Variants in SLC24A1 observed in about 807,000 individuals in gnomAD.
SLC24A1 encodes the protein sodium/potassium/calcium exchanger 1.
In SLC24A1, 52 loss-of-function variants were observed where a neutral mutation model predicts 88.1. The observed-to-expected ratio is 0.59, with a 90% confidence interval of 0.47 to 0.74. The LOEUF is 0.74. Among genes scored for constraint, SLC24A1 ranks in the 30% least tolerant of loss-of-function variants. The probability of loss-of-function intolerance (pLI) is 0.00; values close to 1 mark genes in which losing one functional copy is unlikely to be tolerated. For missense variants in SLC24A1, 1,173 were observed against 1,363.3 expected (o/e 0.86, Z 2.20); for synonymous variants, 455 against 498.0 (o/e 0.91, Z 1.15).
chr15:65,613,438 T>A (rs1465655670), intron 2 of SLC24A1, among the ~76,000 whole-genome samples: 1 of 152,028 alleles, frequency 6.6e-6, no homozygotes, highest in African/African-American at 2.4e-5. Flanking sequence ...ATTTCATGAC[T>A]TCGTGCTTGA....
In SLC24A1 at chr15:65,655,498, G is replaced by A; in HGVS notation, c.*1419G>A. On this transcript the variant is annotated 3_prime_UTR_variant, in exon 10 of 10. Coordinates refer to ENST00000261892, the MANE Select transcript of SLC24A1 (RefSeq NM_004727.3). ...TTAAATGTTTTATGTGGAATTTGATGAGTTTGTATATTAAATACCACTGCT... is the reference window on the plus strand; with the variant it reads ...TTAAATGTTTTATGTGGAATTTGATAAGTTTGTATATTAAATACCACTGCT... 1.0e-6 allele frequency: 1 copy of A among 985,298 alleles called. No individual in the cohort carries two copies. Among genetic ancestry groups the A allele is most frequent in the Non-Finnish European group, 1.2e-6 (1 of 829,820 alleles). 61.0% of individuals were successfully genotyped at this position (985,298 alleles called of 1,614,324 possible).
In SLC24A1 at chr15:65,650,811, G is replaced by C. The variant is rs1341141039; in HGVS notation, c.2662G>C (p.Glu888Gln). The change falls in exon 7 of 10, where the codon GAG becomes CAG. Residue 888 changes from glutamate (E) to glutamine (Q), a missense_variant. Coordinates refer to ENST00000261892, the MANE Select transcript of SLC24A1 (RefSeq NM_004727.3). The surrounding 1 kb of genome is among the most constrained non-coding windows in gnomAD (Gnocchi z 4.1). ...QEEEEEEEEE[E>Q]EEKGNEEPLS... ...GGAAGAGGAGGAGGAGGAGGAGGAAGAGGAGGAGAAGGGAAATGAAGAGCC... is the reference window on the plus strand; with the variant it reads ...GGAAGAGGAGGAGGAGGAGGAGGAACAGGAGGAGAAGGGAAATGAAGAGCC... 6.2e-7 allele frequency: 1 copy of C among 1,613,726 alleles called. No homozygotes were observed. The highest frequency in any genetic ancestry group is 8.5e-7 in the Non-Finnish European group (1 of 1,179,792).
At position 65,653,912 on chromosome 15, in the gene SLC24A1, A is replaced by G. The variant is rs1395703498; in HGVS notation, c.3133A>G (p.Ile1045Val). The G allele has an allele frequency of 1.2e-6, 2 of 1,613,780 alleles. No individual in the cohort carries two copies. The highest frequency in any genetic ancestry group is 8.5e-7 in the Non-Finnish European group (1 of 1,179,866). The change falls in exon 10 of 10, where the codon ATT becomes GTT. Residue 1045 changes from isoleucine to valine, a missense_variant. Transcript: ENST00000261892. ...PVSSNGLFCA[I>V]VLLFLMLLFV... ...CAGCAGCAATGGCTTGTTTTGTGCA[A>G]TTGTTTTGCTTTTTCTCATGCTTCT...
At chr15:65,623,132 T>A (rs1185290578) in intron 1 of SLC24A1, among the ~76,000 whole-genome samples, 1 of 152,024 alleles carries the variant, frequency 6.6e-6, no homozygotes, top group African/African-American at 2.4e-5. Flanking sequence ...TTAAAAATAT[T>A]ATAACATGCA....
intron 2 of SLC24A1, among the ~76,000 whole-genome samples, chr15:65,613,805 A>G (rs545473173): frequency 6.6e-6 from 1 of 152,240 alleles, no homozygotes; most frequent in South Asian, 2.1e-4. Flanking sequence ...TTTTTCATCT[A>G]CAGAGATAAG....
Position 65,638,162 on chromosome 15 carries a change from A to G in SLC24A1, c.1925A>G (p.Gln642Arg), listed in dbSNP as rs376244274. The G allele has an allele frequency of 2.0e-4, 327 of 1,609,526 alleles. No individual in the cohort carries two copies. Among genetic ancestry groups the G allele is most frequent in the Non-Finnish European group, 2.7e-4 (313 of 1,177,792 alleles). Residue 642 changes from glutamine (Q) to arginine (R), a missense_variant, in exon 3 of 10, where the codon CAG becomes CGG. Coordinates refer to ENST00000261892, the MANE Select transcript of SLC24A1 (RefSeq NM_004727.3). ...GGGGCCATTGCGGTGGATGAGCTAC[A>G]GGATAACAAGAAGCTGAAGGTGGGT... ...GDGAIAVDEL[Q>R]DNKKLKLPSL... is the part of the protein sequence containing the mutation.
chr15:65,622,973 C>T (rs965748461), intron 1 of SLC24A1, among the ~76,000 whole-genome samples: 2 of 152,100 alleles, frequency 1.3e-5, no homozygotes, highest in Non-Finnish European at 2.9e-5. Flanking sequence ...AACTCCTGAC[C>T]TCAAGTGATC....
intron 2 of SLC24A1, among the ~76,000 whole-genome samples, chr15:65,615,680 CA>C (rs886116931): frequency 2.0e-5 from 3 of 151,270 alleles, no homozygotes; most frequent in African/African-American, 7.3e-5. Flanking sequence ...GACCCTGTCT[CA>C]AAAAAAATAA....
Position 65,652,660 on chromosome 15 carries a change from A to T in SLC24A1, c.2902A>T (p.Ile968Phe). 1 of 1,613,924 alleles carries T rather than the reference A, an allele frequency of 6.2e-7. No homozygotes were observed. The highest frequency in any genetic ancestry group is 8.5e-7 in the Non-Finnish European group (1 of 1,179,858). ...TTACCAGGTTGGTGAAACAATAGGG[A>T]TTTCTGAAGAGATCATGGGCCTGAC... ...WAHQVGETIG[I>F]SEEIMGLTIL... The change falls in exon 9 of 10, where the codon ATT becomes TTT. Residue 968 changes from isoleucine to phenylalanine, a missense_variant. Transcript: ENST00000261892.
intron 9 of SLC24A1, among the ~76,000 whole-genome samples, chr15:65,653,325 G>A (rs1364528005): frequency 6.6e-6 from 1 of 152,146 alleles, no homozygotes; most frequent in Non-Finnish European, 1.5e-5. Flanking sequence ...CTGAATTTGG[G>A]TGGTAGATTT....
chr15:65,657,570 G>C (rs1033582337), downstream of SLC24A1, among the ~76,000 whole-genome samples: 3 of 152,226 alleles, frequency 2.0e-5, no homozygotes, highest in African/African-American at 7.2e-5. Flanking sequence ...GTGAACCCCG[G>C]GGGGCGGAGC....
chr15:65,630,737 G>A (rs553979438), intron 2 of SLC24A1, among the ~76,000 whole-genome samples: 1 of 152,304 alleles, frequency 6.6e-6, no homozygotes, highest in South Asian at 2.1e-4. Flanking sequence ...TTGGGAGGCC[G>A]AGGTGGGTGG....
rs2075635357 is a variant in SLC24A1 at position 65,655,065 on chromosome 15, G to T, written c.*986G>T. On this transcript the variant is annotated 3_prime_UTR_variant, in exon 10 of 10. Coordinates refer to ENST00000261892, the MANE Select transcript of SLC24A1 (RefSeq NM_004727.3). ...AAACTACTCTAGAGGCCATTTAAAA[G>T]TATGTATTTATTAGAACATGCAAAT... is the stretch of plus-strand genomic sequence containing the variant. The T allele has an allele frequency of 9.8e-7, 1 of 1,024,184 alleles. No individual in the cohort carries two copies. Among genetic ancestry groups the T allele is most frequent in the Non-Finnish European group, 1.2e-6 (1 of 853,018 alleles). The allele number at this position is 1,024,184 out of a possible 1,614,324, so 63.4% of individuals were successfully genotyped here. A position where few individuals can be genotyped will look rare whatever the true frequency, so the allele number is the denominator to read the frequency against.
intron 2 of SLC24A1, 82 bp from the exon 3 acceptor site, chr15:65,638,046 G>A (rs1288123579): frequency 5.3e-6 from 5 of 940,060 alleles, no homozygotes; most frequent in African/African-American, 3.3e-5. Context: ...ATTTCAACCT[G>A]AGGACTTCCG....
In SLC24A1 at chr15:65,625,863, T is replaced by C. The variant is rs2074495396; in HGVS notation, c.1783T>C (p.Phe595Leu). ...ESLLLLLAYA[F>L]YVFTMKWNKH... ...CCTGCTGCTGCTGCTGGCCTATGCC[T>C]TCTATGTGTTCACCATGAAGTGGAA... is the stretch of plus-strand genomic sequence containing the variant. The change falls in exon 2 of 10, where the codon TTC becomes CTC. Residue 595 changes from phenylalanine to leucine, a missense_variant. Physicochemically the swap from Phe to Leu is conservative, Grantham distance 22 (BLOSUM62 0). Transcript: ENST00000261892. 1.9e-6 allele frequency: 3 copies of C among 1,613,936 alleles called. No individual in the cohort carries two copies. The Admixed American group carries it at 5.0e-5, about 27-fold the overall frequency.
upstream of SLC24A1, among the ~76,000 whole-genome samples, chr15:65,619,590 A>G (rs1447417717): frequency 1.3e-5 from 2 of 152,086 alleles, no homozygotes; most frequent in Non-Finnish European, 2.9e-5. Flanking sequence ...AATCTTGTCT[A>G]CTTTCTACTG....
chr15:65,654,249 T>G lies in SLC24A1; in HGVS notation c.*170T>G. 7.1e-7 allele frequency: 1 copy of G among 1,412,780 alleles called. No individual in the cohort carries two copies. Among genetic ancestry groups the G allele is most frequent in the South Asian group, 1.7e-5 (1 of 59,456 alleles). The allele number at this position is 1,412,780 out of a possible 1,614,324, so 87.5% of individuals were successfully genotyped here. A position where few individuals can be genotyped will look rare whatever the true frequency, so the allele number is the denominator to read the frequency against. ...ACTAAAGTTTGTCCTTGGAAACACC[T>G]GCAGCTCATTGTGGATTAAGAACCT... On this transcript the variant is annotated 3_prime_UTR_variant, in exon 10 of 10. Transcript: ENST00000261892.
At chr15:65,659,230 A>G (rs1371015999), downstream of SLC24A1, 1 of 151,886 alleles carries the variant, frequency 6.6e-6, no homozygotes, top group Non-Finnish European at 1.5e-5. Context: ...TTTCTCTCCA[A>G]CATGATTGGC....
At chr15:65,617,385 G>A (rs906141332), upstream of SLC24A1, among the ~76,000 whole-genome samples, 4 of 152,142 alleles carry the variant, frequency 2.6e-5, no homozygotes, top group African/African-American at 4.8e-5. Context: ...CCATTTGTTT[G>A]TATCCTCTTT....
Sources: gnomAD v4.1 joint callset for allele counts (sites outside exome capture counted in the v4.1 genomes callset) on GRCh38, gnomAD v4.1.1 for gene constraint, Gnocchi (gnomAD v3.1) non-coding constraint, MANE v1.5 for transcripts, NCBI Gene and HGNC (gene_info 2026-07-23, HGNC 2026-07-21) for gene names.